DOCK1: variants seen among roughly 807,000 people sequenced by gnomAD.
DOCK1 encodes dedicator of cytokinesis protein 1.
DOCK1 carries 138 observed loss-of-function variants against 262.7 expected under a neutral mutation model. The ratio of observed to expected loss-of-function variants is 0.53; its 90% CI spans 0.46 to 0.61. DOCK1 has a LOEUF of 0.61. Ranked by LOEUF, DOCK1 falls within the 20% of genes least tolerant of loss-of-function variation. The pLI, the probability that DOCK1 is intolerant of heterozygous loss-of-function variation, is 0.00. For missense variants in DOCK1, 1,908 were observed against 2,370.7 expected, an observed-to-expected ratio of 0.80 and a Z score of 4.05; for synonymous variants, 866 against 867.4, an observed-to-expected ratio of 1.00 and a Z score of 0.03.
At chr10:127,296,938 T>A (rs1271923989) in intron 29 of DOCK1, among the ~76,000 whole-genome samples, 2 of 152,280 alleles carry the variant, frequency 1.3e-5, no homozygotes, top group Non-Finnish European at 2.9e-5. Context: ...TTTGAGCTTT[T>A]CACTGAGATA....
intron 27 of DOCK1, among the ~76,000 whole-genome samples, chr10:127,186,583 T>C (rs547944768): frequency 9.4e-5 from 13 of 137,876 alleles, no homozygotes; most frequent in African/African-American, 2.8e-4. Context: ...GAGATTACAA[T>C]TGGAGGTGAG....
chr10:127,367,262 C>T (rs1232455910), intron 33 of DOCK1, among the ~76,000 whole-genome samples: 1 of 152,200 alleles, frequency 6.6e-6, no homozygotes, highest in Non-Finnish European at 1.5e-5. Context: ...TCCCTTACAC[C>T]TCCCCAAGAG....
intron 43 of DOCK1, among the ~76,000 whole-genome samples, chr10:127,413,188 A>G (rs987682586): frequency 1.1e-4 from 17 of 152,224 alleles, no homozygotes; most frequent in Non-Finnish European, 2.2e-4. Flanking sequence ...CTATAAAGAA[A>G]TAGACACAAG....
chr10:126,976,844 C>T (rs1366489030), intron 2 of DOCK1, among the ~76,000 whole-genome samples: 4 of 152,102 alleles, frequency 2.6e-5, no homozygotes, highest in Non-Finnish European at 2.9e-5. Flanking sequence ...AGCAATTCTC[C>T]TGCCTCAGCC....
chr10:127,314,874 A>G (rs74158661), intron 29 of DOCK1, among the ~76,000 whole-genome samples: 3,026 of 152,336 alleles, frequency 0.02, 101 homozygotes, highest in African/African-American at 0.068. Flanking sequence ...ACACAGTAGC[A>G]GTGGTGTGTT....
intron 22 of DOCK1, 104 bp downstream of exon 22, chr10:127,052,919 T>TA: frequency 6.9e-7 from 1 of 1,454,526 alleles, no homozygotes; most frequent in Non-Finnish European, 9.2e-7. Context: ...TCCTTTCTTC[T>TA]TCCCCCTTTT....
chr10:127,052,297 G>A (rs1046915036), intron 21 of DOCK1, among the ~76,000 whole-genome samples: 1 of 152,184 alleles, frequency 6.6e-6, no homozygotes, highest in Non-Finnish European at 1.5e-5. Flanking sequence ...GGCCAAGGGG[G>A]GTGGATTGCC....
At position 127,415,187 on chromosome 10, in the gene DOCK1, A is replaced by C. The variant is rs34722874; in HGVS notation, c.4464A>C (p.Ala1488=). 3,977 of 1,613,476 alleles carry C rather than the reference A, an allele frequency of 2.5e-3. 81 individuals carry two copies. In the African/African-American group the frequency reaches 0.045, roughly 18 times the overall value. The stretch of plus-strand genomic sequence containing the variant: ...TCGAGAGAACCATATATACAACTGC[A>C]TATAAATTACCTGGAATTTTAAGGT... The part of the protein sequence containing the change: ...MWIERTIYTT[A]YKLPGILRWF... The change falls in exon 44 of 52, where the codon GCA becomes GCC. Residue 1488 remains alanine (A), a synonymous_variant. Transcript: ENST00000623213.
intron 15 of DOCK1, chr10:127,025,331 T>G (rs370723480): frequency 1.3e-4 from 20 of 152,244 alleles, no homozygotes; most frequent in African/African-American, 4.8e-4. Context: ...GTATTAGGTC[T>G]TTTTTCTTTG....
intron 29 of DOCK1, among the ~76,000 whole-genome samples, chr10:127,300,975 C>A (rs2061659876): frequency 6.6e-6 from 1 of 152,218 alleles, no homozygotes; most frequent in South Asian, 2.1e-4. Context: ...CAGATACCAG[C>A]TTTTCCTAAC....
intron 1 of DOCK1, among the ~76,000 whole-genome samples, chr10:126,929,821 T>C (rs1268502180): frequency 6.6e-6 from 1 of 151,964 alleles, no homozygotes; most frequent in Non-Finnish European, 1.5e-5. Context: ...AAGGTGAGAG[T>C]CACATAACAT....
At chr10:127,016,052 T>C (rs552764969) in intron 12 of DOCK1, 2 of 152,390 alleles carry the variant, frequency 1.3e-5, no homozygotes, top group African/African-American at 2.4e-5. Context: ...TGCCTTGCAG[T>C]GTGCTCAGGA....
At chr10:127,122,866 C>G (rs547431753) in intron 25 of DOCK1, among the ~76,000 whole-genome samples, 1 of 152,270 alleles carries the variant, frequency 6.6e-6, no homozygotes, top group South Asian at 2.1e-4. Flanking sequence ...ACACCTCTTT[C>G]TTCTCACCAG....
chr10:127,101,504 TG>T (rs2048245619), intron 23 of DOCK1, among the ~76,000 whole-genome samples: 2 of 152,214 alleles, frequency 1.3e-5, no homozygotes, highest in Non-Finnish European at 2.9e-5. Flanking sequence ...AGCAGAATTC[TG>T]GTTTAATCAG....
intron 23 of DOCK1, among the ~76,000 whole-genome samples, chr10:127,095,661 C>CTGTGTGTGTGTGTGTGTGTGTGTG (rs61224822): frequency 6.1e-5 from 9 of 148,186 alleles, no homozygotes; most frequent in African/African-American, 2.2e-4. Flanking sequence ...GGCCAGGAAG[C>CTGTGTGTGTGTGTGTGTGTGTGTG]TGTGTGTGTG....
At chr10:127,209,424 G>T (rs1425291868) in intron 27 of DOCK1, among the ~76,000 whole-genome samples, 3 of 152,182 alleles carry the variant, frequency 2.0e-5, no homozygotes, top group African/African-American at 7.2e-5. Flanking sequence ...TAGCCGCCTG[G>T]AGAGCAGAGC....
chr10:127,336,535 G>A (rs907793805), intron 29 of DOCK1, among the ~76,000 whole-genome samples: 5 of 137,930 alleles, frequency 3.6e-5, no homozygotes, highest in African/African-American at 1.3e-4. Flanking sequence ...GACATACATA[G>A]TTTTTTTTTT....
chr10:126,953,309 A>G (rs1212912634), intron 1 of DOCK1, among the ~76,000 whole-genome samples: 1 of 142,602 alleles, frequency 7.0e-6, no homozygotes, highest in Non-Finnish European at 1.5e-5. Context: ...TGGTGATGGC[A>G]GTGGAGGTGG....
At chr10:127,303,613 C>T (rs576880243) in intron 29 of DOCK1, among the ~76,000 whole-genome samples, 23 of 117,434 alleles carry the variant, frequency 2.0e-4, no homozygotes, top group Non-Finnish European at 3.7e-4. Context: ...AATCCCAACA[C>T]TTTGGGAGGC....
Sources: allele counts gnomAD v4.1 joint callset (sites outside exome capture counted in the v4.1 genomes callset), GRCh38; gene constraint gnomAD v4.1.1; transcripts MANE v1.5; gene names NCBI Gene and HGNC (gene_info 2026-07-23, HGNC 2026-07-21).